TET1: variants seen among roughly 807,000 people sequenced by gnomAD.
TET1 encodes methylcytosine dioxygenase TET1.
A neutral mutation model predicts 148.7 loss-of-function variants in TET1; 13 were observed. That is an observed-to-expected ratio of 0.09 (90% CI 0.06 to 0.14). The LOEUF is 0.14. Among genes scored for constraint, TET1 ranks in the 10% least tolerant of loss-of-function variants. The pLI, the probability that TET1 is intolerant of heterozygous loss-of-function variation, is 1.00. For synonymous variants in TET1, 907 were observed against 937.2 expected (o/e 0.97, Z 0.59); for missense variants, 2,182 against 2,553.8 (o/e 0.85, Z 3.14).
chr10:68,677,276 T>C (rs1001881443), intron 8 of TET1, among the ~76,000 whole-genome samples: 7 of 152,166 alleles, frequency 4.6e-5, no homozygotes, highest in African/African-American at 1.7e-4. Flanking sequence ...AGTGTATCAA[T>C]GGGAACTCAT....
intron 1 of TET1, among the ~76,000 whole-genome samples, chr10:68,565,543 T>C (rs1447629134): frequency 1.3e-5 from 2 of 150,388 alleles, no homozygotes; most frequent in Non-Finnish European, 3.0e-5. Flanking sequence ...GAATAATCTA[T>C]GACAGAAGCA....
intron 2 of TET1, among the ~76,000 whole-genome samples, chr10:68,598,806 T>G (rs2054018159): frequency 6.6e-6 from 1 of 151,558 alleles, no homozygotes; most frequent in Non-Finnish European, 1.5e-5. Flanking sequence ...TTCTCCTGTC[T>G]CAGCCTCCCG....
chr10:68,635,873 A>T (rs2054642692), intron 3 of TET1, among the ~76,000 whole-genome samples: 1 of 152,196 alleles, frequency 6.6e-6, no homozygotes, highest in Admixed American at 6.5e-5. Flanking sequence ...GTCCTCTAGG[A>T]GTAGGCTCAT....
intron 3 of TET1, among the ~76,000 whole-genome samples, chr10:68,634,623 A>T (rs1431313293): frequency 1.3e-5 from 2 of 152,210 alleles, no homozygotes; most frequent in African/African-American, 4.8e-5. Flanking sequence ...TCTGAATAAG[A>T]AATGTTCAGT....
In TET1 at chr10:68,691,257, C is replaced by T. The variant is rs1478056231; in HGVS notation, c.5854C>T (p.Leu1952Phe). 4 of 1,614,060 alleles carry T rather than the reference C, an allele frequency of 2.5e-6. No individual in the cohort carries two copies. The highest frequency in any genetic ancestry group is 2.5e-6 in the Non-Finnish European group (3 of 1,180,050). Residue 1952 changes from leucine to phenylalanine, a missense_variant, in exon 12 of 12, where the codon CTT (leucine) becomes TTT (phenylalanine). This residue lies in a region of TET1 where 380 missense variants were observed against 387.9 expected (regional missense o/e 0.98). Coordinates refer to ENST00000373644, the MANE Select transcript of TET1 (RefSeq NM_030625.3). This position sits in a 1 kb window ranked among gnomAD's most constrained non-coding sequence, Gnocchi z 4.4. ...QPSFLTSPQD[L>F]ASSPMEEDEQ... ...CTCCTTCCTCACCTCTCCTCAAGAC[C>T]TTGCCTCTTCTCCAATGGAAGAAGA... is the stretch of plus-strand genomic sequence containing the variant.
In TET1 at chr10:68,649,922, T is replaced by C. The variant is rs149590954; in HGVS notation, c.4277-1924T>C. 1.8e-3 allele frequency among the ~76,000 whole-genome samples: 278 copies of C among 152,280 alleles called. 2 individuals carry two copies. The highest frequency in any genetic ancestry group is 6.5e-3 in the African/African-American group (269 of 41,548). On this transcript the variant is annotated intron_variant, in intron 4 of 11. Transcript: ENST00000373644. The stretch of plus-strand genomic sequence containing the variant: ...ATTACATGTAAGTTTATTGTGCTCA[T>C]TGTGTAGAAAAAGGCACTTAAAGAC...
chr10:68,691,448 C>T lies in TET1; in HGVS notation c.6045C>T (p.His2015=), dbSNP rs757569954. 15 of 1,613,998 alleles carry T rather than the reference C, an allele frequency of 9.3e-6. No homozygotes were observed. The highest frequency in any genetic ancestry group is 8.9e-5 in the East Asian group (4 of 44,892). ...NIGGVAIAPA[H]GSVLIECARR... Reference sequence around the variant, plus strand: ...GTGGGGTGGCCATCGCACCTGCTCACGGCTCGGTTTTGATTGAGTGTGCCC... The same window carrying T: ...GTGGGGTGGCCATCGCACCTGCTCATGGCTCGGTTTTGATTGAGTGTGCCC... The change falls in exon 12 of 12, where the codon CAC becomes CAT. Residue 2015 remains histidine (H), a synonymous_variant. Coordinates refer to ENST00000373644, the MANE Select transcript of TET1 (RefSeq NM_030625.3). The surrounding 1 kb of genome is among the most constrained non-coding windows in gnomAD (Gnocchi z 4.4).
intron 6 of TET1, among the ~76,000 whole-genome samples, chr10:68,658,227 C>CT (rs1240958270): frequency 2.6e-5 from 4 of 151,694 alleles, no homozygotes; most frequent in Admixed American, 6.6e-5. Flanking sequence ...CTCTTGTCTT[C>CT]TTTTTTTTGA....
chr10:68,627,644 G>C (rs2054505122), intron 3 of TET1, among the ~76,000 whole-genome samples: 1 of 151,344 alleles, frequency 6.6e-6, no homozygotes. Flanking sequence ...AAGAAATAAA[G>C]TGGCCGGGCG....
chr10:68,637,004 TGTGTGA>T (rs2054661951), intron 3 of TET1, among the ~76,000 whole-genome samples: 1 of 149,042 alleles, frequency 6.7e-6, no homozygotes, highest in African/African-American at 2.5e-5. Context: ...TGTGTGTGTG[TGTGTGA>T]GTGTGTGTGA....
chr10:68,682,305 T>C (rs1194930172), intron 9 of TET1, among the ~76,000 whole-genome samples: 2 of 151,650 alleles, frequency 1.3e-5, no homozygotes, highest in Non-Finnish European at 1.5e-5. Flanking sequence ...AGAGATGGGG[T>C]TTCACCATGT....
intron 3 of TET1, among the ~76,000 whole-genome samples, chr10:68,621,464 G>A (rs1229705935): frequency 6.6e-6 from 1 of 152,122 alleles, no homozygotes. Context: ...TGCACCTGTA[G>A]TTCCAGCTAC....
chr10:68,613,280 C>A (rs2054242938), intron 3 of TET1, among the ~76,000 whole-genome samples: 1 of 152,170 alleles, frequency 6.6e-6, no homozygotes, highest in African/African-American at 2.4e-5. Context: ...AAAAGTCTTT[C>A]TTTTTGATGA....
chr10:68,631,926 T>C (rs1449863450), intron 3 of TET1, among the ~76,000 whole-genome samples: 1 of 151,788 alleles, frequency 6.6e-6, no homozygotes, highest in African/African-American at 2.4e-5. Context: ...TAACTAGTTA[T>C]CTGATGGCCT....
At chr10:68,605,558 G>A (rs891869854) in intron 3 of TET1, among the ~76,000 whole-genome samples, 3 of 152,198 alleles carry the variant, frequency 2.0e-5, no homozygotes, top group Non-Finnish European at 4.4e-5. Flanking sequence ...CTGTCACTAA[G>A]GCTGGAGTGC....
chr10:68,682,977 T>C lies in TET1; in HGVS notation c.5052+4T>C. 1 of 1,612,590 alleles carries C rather than the reference T, an allele frequency of 6.2e-7. No individual in the cohort carries two copies. Among genetic ancestry groups the C allele is most frequent in the East Asian group, 2.2e-5 (1 of 44,842 alleles). ...CATGAATAATGGAAGCACTGTGGTA[T>C]GTACCTGTGTGAATTTGTATTCTAA... On this transcript the variant is annotated splice_donor_region_variant and intron_variant, in intron 10 of 11. Coordinates refer to ENST00000373644, the MANE Select transcript of TET1 (RefSeq NM_030625.3).
In TET1 at chr10:68,682,987, T is replaced by C. The variant is rs968429309; in HGVS notation, c.5052+14T>C. The C allele has an allele frequency of 1.9e-6, 3 of 1,611,462 alleles. No homozygotes were observed. The African/African-American group carries it at 4.0e-5, about 22-fold the overall frequency. On this transcript the variant is annotated intron_variant, in intron 10 of 11. Transcript: ENST00000373644. ...GGAAGCACTGTGGTATGTACCTGTGTGAATTTGTATTCTAAAAGCTCCATC... is the reference window on the plus strand; with the variant it reads ...GGAAGCACTGTGGTATGTACCTGTGCGAATTTGTATTCTAAAAGCTCCATC...
At chr10:68,585,790 AC>A (rs1210066640) in intron 2 of TET1, among the ~76,000 whole-genome samples, 1 of 151,848 alleles carries the variant, frequency 6.6e-6, no homozygotes, top group Non-Finnish European at 1.5e-5. Context: ...GCGGGCGATC[AC>A]AAGGTCAAGA....
rs1438080417 is a variant in TET1 at position 68,686,622 on chromosome 10, G to A, written c.5319G>A (p.Val1773=). The change falls in exon 11 of 12, where the codon GTG becomes GTA. Residue 1773 remains valine, a synonymous_variant. Coordinates refer to ENST00000373644, the MANE Select transcript of TET1 (RefSeq NM_030625.3). The part of the protein sequence containing the change: ...TEVLAHKIRA[V]EKKPIPRIKR... ...TTCTTGCACATAAGATAAGGGCAGT[G>A]GAAAAGAAACCTATTCCCCGAATCA... 6.2e-7 allele frequency: 1 copy of A among 1,614,128 alleles called. No individual in the cohort carries two copies. Among genetic ancestry groups the A allele is most frequent in the Admixed American group, 1.7e-5 (1 of 60,000 alleles).
Sources: allele counts gnomAD v4.1 joint callset (sites outside exome capture counted in the v4.1 genomes callset), GRCh38; gene constraint gnomAD v4.1.1; regional missense constraint gnomAD v4.1.1; non-coding constraint Gnocchi (gnomAD v3.1); transcripts MANE v1.5; gene names NCBI Gene and HGNC (gene_info 2026-07-23, HGNC 2026-07-21).